CHD8: variants seen among roughly 807,000 people sequenced by gnomAD.
CHD8 encodes chromodomain helicase DNA binding protein 8, also known as ATP-dependent chromatin remodeler CHD8.
Under a neutral mutation model 279.2 loss-of-function variants are expected in CHD8, and 31 were observed. The ratio of observed to expected loss-of-function variants is 0.11; its 90% confidence interval spans 0.08 to 0.15. The LOEUF is 0.15. Among genes scored for constraint, CHD8 ranks in the 10% least tolerant of loss-of-function variants. The pLI, the probability that CHD8 is intolerant of heterozygous loss-of-function variation, is 1.00. For synonymous variants in CHD8, 1,081 were observed against 1,139.6 expected, an observed-to-expected ratio of 0.95 and a Z score of 1.04; for missense variants, 2,146 against 3,230.5, an observed-to-expected ratio of 0.66 and a Z score of 8.14.
At chr14:21,398,716 A>T (rs775448559) in intron 26 of CHD8, 1 of 152,850 alleles carries the variant, frequency 6.5e-6, no homozygotes, top group Non-Finnish European at 1.5e-5. Context: ...CAAAACTGCT[A>T]TAAGAGTAAG....
rs1464484742 is a variant in CHD8, at chr14:21,391,533, G to A, written c.6995C>T (p.Pro2332Leu). 6.2e-7 allele frequency: 1 copy of A among 1,613,848 alleles called. No homozygotes were observed. The highest frequency in any genetic ancestry group is 8.5e-7 in the Non-Finnish European group (1 of 1,179,836). The change falls in exon 36 of 38, where the codon CCT (proline) becomes CTT (leucine). Residue 2332 changes from proline to leucine, a missense_variant. Physicochemically the swap from Pro to Leu is moderately conservative, Grantham distance 98. Coordinates refer to ENST00000646647, the MANE Select transcript of CHD8 (RefSeq NM_001170629.2). ...CCACATCTCCAGTTCAGCCCGGCGA[G>A]GGGCATCCTCACCCACCAGCAAAGT... ...DGTLLVGEDA[P>L]RRAELEMWLQ... is the part of the protein sequence containing the mutation.
At position 21,427,948 on chromosome 14, in the gene CHD8, C is replaced by T. The variant is rs1387181215; in HGVS notation, c.1522G>A (p.Gly508Arg). ...GEKKRRKKSAGERLKEEKPKK... is the reference protein window; with the variant it reads ...GEKKRRKKSARERLKEEKPKK... ...GGCTTCTCCTCTTTCAGCCTCTCCC[C>T]AGCACTCTTCTTCCTGCGTTTCTTC... is the stretch of plus-strand genomic sequence containing the variant. Residue 508 changes from glycine (G) to arginine (R), a missense_variant, in exon 4 of 38, where the codon GGG becomes AGG. By Grantham distance (125) the Gly-to-Arg change is moderately radical. Coordinates refer to ENST00000646647, the MANE Select transcript of CHD8 (RefSeq NM_001170629.2). 1 of 1,614,072 alleles carries T rather than the reference C, an allele frequency of 6.2e-7. No individual in the cohort carries two copies.
intron 16 of CHD8, chr14:21,404,924 T>TCATTAAAAA: frequency 3.2e-4 from 106 of 328,274 alleles, no homozygotes; most frequent in Middle Eastern, 1.7e-3. Flanking sequence ...CTCTGCCTTC[T>TCATTAAAAA]GGGTTCAAGC....
At chr14:21,418,102 T>C (rs762750130) in intron 5 of CHD8, among the ~76,000 whole-genome samples, 24 of 152,058 alleles carry the variant, frequency 1.6e-4, no homozygotes, top group Non-Finnish European at 3.5e-4. Flanking sequence ...CTCATTTATT[T>C]AGCATAGATG....
At chr14:21,410,178 A>T (rs1410430102) in intron 10 of CHD8, among the ~76,000 whole-genome samples, 190 bp from the exon 11 acceptor site, 6 of 152,246 alleles carry the variant, frequency 3.9e-5, no homozygotes, top group Admixed American at 6.5e-5. Context: ...CATTCTTCAA[A>T]GCAATTTATC....
Position 21,405,783 on chromosome 14 carries a change from A to G in CHD8, c.2989T>C (p.Ser997Pro). 1 of 1,613,934 alleles carries G rather than the reference A, an allele frequency of 6.2e-7. No individual in the cohort carries two copies. Among genetic ancestry groups the G allele is most frequent in the East Asian group, 2.2e-5 (1 of 44,864 alleles). The change falls in exon 15 of 38, where the codon TCA (serine) becomes CCA (proline). Residue 997 changes from serine to proline, a missense_variant. Ser to Pro is a moderately conservative substitution (Grantham distance 74). Coordinates refer to ENST00000646647, the MANE Select transcript of CHD8 (RefSeq NM_001170629.2). The surrounding 1 kb of genome is among the most constrained non-coding windows in gnomAD (Gnocchi z 4.2). ...LFSLLHFLEP[S>P]QFPSESEFLK... Reference sequence around the variant, plus strand: ...AACTCTGATTCTGAGGGAAATTGTGACGGTTCCAAGAAATGAAGCAAGCTA... The same window carrying G: ...AACTCTGATTCTGAGGGAAATTGTGGCGGTTCCAAGAAATGAAGCAAGCTA...
At chr14:21,455,502 T>C (rs1373570640) in intron 1 of CHD8, among the ~76,000 whole-genome samples, 1 of 152,194 alleles carries the variant, frequency 6.6e-6, no homozygotes, top group Non-Finnish European at 1.5e-5. Flanking sequence ...CAGCCTGCTC[T>C]TCACTGCCAG....
chr14:21,445,446 C>T (rs139716332), intron 1 of CHD8, among the ~76,000 whole-genome samples: 3,720 of 151,458 alleles, frequency 0.025, 52 homozygotes, highest in African/African-American at 0.032. Flanking sequence ...TTTGGGAGAC[C>T]GAGGCGGGTG....
intron 33 of CHD8, 107 bp downstream of exon 33, chr14:21,392,999 A>G: frequency 7.4e-7 from 1 of 1,342,400 alleles, no homozygotes; most frequent in African/African-American, 1.5e-5. Context: ...ACTTGCAGCA[A>G]TAAACACAAT....
chr14:21,421,099 A>G (rs1161869675), intron 5 of CHD8, among the ~76,000 whole-genome samples: 1 of 152,138 alleles, frequency 6.6e-6, no homozygotes, highest in African/African-American at 2.4e-5. Context: ...CAAATGGCAA[A>G]TGGTCCAGTT....
chr14:21,445,968 C>A (rs1349514242), intron 1 of CHD8, among the ~76,000 whole-genome samples: 1 of 152,108 alleles, frequency 6.6e-6, no homozygotes, highest in African/African-American at 2.4e-5. Flanking sequence ...CCACTGCACT[C>A]CAGCCTGGCG....
intron 1 of CHD8, chr14:21,454,836 G>A (rs1203579342): frequency 6.6e-6 from 1 of 152,138 alleles, no homozygotes; most frequent in African/African-American, 2.4e-5. Flanking sequence ...GCTCTATGAG[G>A]TTGACTAGAA....
At chr14:21,409,732 C>T (rs1888404692) in intron 11 of CHD8, 119 bp downstream of exon 11, 8 of 913,880 alleles carry the variant, frequency 8.8e-6, no homozygotes, top group Admixed American at 2.6e-5. Context: ...ACCATTTCTT[C>T]GATTTTTATA....
chr14:21,440,366 C>T (rs1889925757), intron 1 of CHD8, among the ~76,000 whole-genome samples: 1 of 152,170 alleles, frequency 6.6e-6, no homozygotes, highest in Non-Finnish European at 1.5e-5. Flanking sequence ...ACCACCATGC[C>T]CGGCTAATTT....
rs1325007183 is a variant in CHD8 at position 21,408,313 on chromosome 14, C to T, written c.2729G>A (p.Arg910Gln). The T allele has an allele frequency of 1.2e-5, 19 of 1,611,194 alleles. No individual in the cohort carries two copies. The highest frequency in any genetic ancestry group is 1.3e-5 in the Non-Finnish European group (15 of 1,178,840). Residue 910 changes from arginine (R) to glutamine (Q), a missense_variant and splice_region_variant, in exon 13 of 38, where the codon CGG becomes CAG. Transcript: ENST00000646647. The surrounding 1 kb of genome is among the most constrained non-coding windows in gnomAD (Gnocchi z 4.3). ...QQYEMYCKDS[R>Q]GRLIPGAYKF... ...GTATTCCCAAGACATGCAACTCACC[C>T]GTGAATCTTTGCAGTACATTTCATA...
chr14:21,400,237 A>G lies in CHD8; in HGVS notation c.4641T>C (p.His1547=). The G allele has an allele frequency of 3.7e-6, 6 of 1,613,924 alleles. No individual in the cohort carries two copies. The highest frequency in any genetic ancestry group is 5.1e-6 in the Non-Finnish European group (6 of 1,179,870). The change falls in exon 24 of 38, where the codon CAT becomes CAC. Residue 1547 remains histidine, a synonymous_variant. Transcript: ENST00000646647. The surrounding 1 kb of genome is among the most constrained non-coding windows in gnomAD (Gnocchi z 4.2). ...TATATTTCCGGATCCAATCTGCCTT[A>G]TGGATATCAAAAGTGCTTTGTGACT... The part of the protein sequence containing the change: ...KVKSQSTFDI[H]KADWIRKYNP...
rs567180468 is a variant in CHD8 at position 21,437,646 on chromosome 14, A to G, written c.-215-5788T>C. ...CCCCGGCCTTCTAGCAGCCCTGTCA[A>G]CCCCTCTCCTGTAGTGACTACACCG... On this transcript the variant is annotated intron_variant, in intron 1 of 37. Coordinates refer to ENST00000646647, the MANE Select transcript of CHD8 (RefSeq NM_001170629.2). 2.9e-3 allele frequency among the ~76,000 whole-genome samples: 439 copies of G among 151,926 alleles called. 5 individuals are homozygous for G. The highest frequency in any genetic ancestry group is 8.3e-3 in the African/African-American group (343 of 41,416).
In CHD8 at chr14:21,391,556, A is replaced by G; in HGVS notation, c.6972T>C (p.Thr2324=). The G allele has an allele frequency of 6.2e-7, 1 of 1,613,836 alleles. No homozygotes were observed. Among genetic ancestry groups the G allele is most frequent in the East Asian group, 2.2e-5 (1 of 44,878 alleles). Residue 2324 remains threonine, a synonymous_variant, in exon 36 of 38, where the codon ACT becomes ACC. Coordinates refer to ENST00000646647, the MANE Select transcript of CHD8 (RefSeq NM_001170629.2). ...RIPVINKVDG[T]LLVGEDAPRR... ...GAGGGGCATCCTCACCCACCAGCAAAGTACCATCCACCTTATTGATGACAG... is the reference window on the plus strand; with the variant it reads ...GAGGGGCATCCTCACCCACCAGCAAGGTACCATCCACCTTATTGATGACAG...
At position 21,409,992 on chromosome 14, in the gene CHD8, G is replaced by T; in HGVS notation, c.2227-4C>A. The stretch of plus-strand genomic sequence containing the variant: ...TCACCAGGTAGTAAATAACGGGCTA[G>T]GAGAGAAGAAACCAAAGCCTTAAGA... On this transcript the variant is annotated splice_region_variant and splice_polypyrimidine_tract_variant and intron_variant, in intron 10 of 37. Transcript: ENST00000646647. 1 of 1,604,356 alleles carries T rather than the reference G, an allele frequency of 6.2e-7. No individual in the cohort carries two copies. Among genetic ancestry groups the T allele is most frequent in the Non-Finnish European group, 8.5e-7 (1 of 1,175,690 alleles).
Sources: gnomAD v4.1 joint callset for allele counts (sites outside exome capture counted in the v4.1 genomes callset) on GRCh38, gnomAD v4.1.1 for gene constraint, Gnocchi (gnomAD v3.1) non-coding constraint, MANE v1.5 for transcripts, NCBI Gene and HGNC (gene_info 2026-07-23, HGNC 2026-07-21) for gene names.